The following TNNT3 variants were observed in gnomAD, a reference collection of about 807,000 sequenced individuals.
TNNT3 encodes troponin T, fast skeletal muscle.
In TNNT3, 36 loss-of-function variants were observed where a neutral mutation model predicts 54.2. That is an observed-to-expected ratio of 0.66 (90% CI 0.51 to 0.88). TNNT3 has a LOEUF of 0.88. Among genes scored for constraint, TNNT3 ranks in the 40% least tolerant of loss-of-function variants. The probability of loss-of-function intolerance (pLI) is 0.00; values close to 1 mark genes in which losing one functional copy is unlikely to be tolerated. For missense variants in TNNT3, 291 were observed against 331.6 expected (o/e 0.88, Z 0.95); for synonymous variants, 120 against 109.7 (o/e 1.09, Z -0.59).
chr11:1,936,478 G>A (rs577138538), intron 14 of TNNT3, among the ~76,000 whole-genome samples: 3 of 152,298 alleles, frequency 2.0e-5, no homozygotes, highest in East Asian at 1.9e-4. Context: ...CAGGAGCTCC[G>A]CCTCAAGCCA....
intron 8 of TNNT3, among the ~76,000 whole-genome samples, chr11:1,932,094 G>A: frequency 6.6e-6 from 1 of 152,216 alleles, no homozygotes; most frequent in South Asian, 2.1e-4. Context: ...TGCCCAGGGA[G>A]GCCACCGCCA....
At chr11:1,930,738 C>T (rs943094639) in intron 8 of TNNT3, among the ~76,000 whole-genome samples, 12 of 152,232 alleles carry the variant, frequency 7.9e-5, no homozygotes, top group East Asian at 5.8e-4. Context: ...AGGGTACAGC[C>T]GGCGTATTCC....
At chr11:1,922,989 G>A (rs1850475433) in intron 2 of TNNT3, 59 bp from the exon 3 acceptor site, 8 of 1,613,578 alleles carry the variant, frequency 5.0e-6, no homozygotes, top group Non-Finnish European at 6.8e-6. Flanking sequence ...ACAAGTCCAA[G>A]CAAAGCCCAG....
chr11:1,935,915 A>G (rs763887144), intron 14 of TNNT3, among the ~76,000 whole-genome samples: 136 of 150,388 alleles, frequency 9.0e-4, no homozygotes, highest in Non-Finnish European at 1.6e-3. Context: ...GGGCGATTAC[A>G]CTCCCTCCCA....
chr11:1,938,610 T>C lies in TNNT3; in HGVS notation c.*118T>C, dbSNP rs1345082311. 2.5e-5 allele frequency: 28 copies of C among 1,133,554 alleles called. No homozygotes were observed. Among genetic ancestry groups the C allele is most frequent in the Non-Finnish European group, 3.4e-5 (26 of 764,342 alleles). The allele number at this position is 1,133,554 out of a possible 1,614,324, so 70.2% of individuals were successfully genotyped here. On this transcript the variant is annotated 3_prime_UTR_variant, in exon 16 of 16. Transcript: ENST00000278317. ...CCTGTCAGGGGCTCCCTGACAGTCC[T>C]GGGGGTGGAGAGGCCATCCCGGGGC...
rs779658951 is a variant in TNNT3 at position 1,925,395 on chromosome 11, G to GGCCC, written c.67+280_67+283dup. ...GCCACGAGGTACCAGCCAGCCAAGG[G>GGCCC]GCCCCCACATGTGGCCCTAATGTAA... On this transcript the variant is annotated intron_variant, in intron 5 of 15. Transcript: ENST00000278317. 3 of 1,231,888 alleles carry GGCCC rather than the reference G, an allele frequency of 2.4e-6. No individual in the cohort carries two copies. In the African/African-American group the frequency reaches 4.5e-5, roughly 19 times the overall value. The allele number at this position is 1,231,888 out of a possible 1,614,324, so 76.3% of individuals were successfully genotyped here.
chr11:1,933,735 G>A lies in TNNT3; in HGVS notation c.186G>A (p.Lys62=), dbSNP rs1202302360. 1 of 1,613,038 alleles carries A rather than the reference G, an allele frequency of 6.2e-7. No individual in the cohort carries two copies. The highest frequency in any genetic ancestry group is 2.2e-5 in the East Asian group (1 of 44,888). ...EKVDFDDIQK[K]RQNKDLMELQ... is the part of the protein sequence containing the mutation. ...CCTGCCCACAGGACATCCAGAAGAA[G>A]CGTCAGAACAAAGACCTAATGGAGC... The change falls in exon 10 of 16, where the codon AAG becomes AAA. Residue 62 remains lysine, a synonymous_variant. Coordinates refer to ENST00000278317, the MANE Select transcript of TNNT3 (RefSeq NM_006757.4).
chr11:1,927,993 C>T (rs1230392780), intron 6 of TNNT3: 1 of 152,344 alleles, frequency 6.6e-6, no homozygotes, highest in African/African-American at 2.4e-5. Context: ...ACCAAGAGCG[C>T]TGGCGGGCTC....
intron 9 of TNNT3, 95 bp downstream of exon 9, chr11:1,932,609 C>T (rs1175092527): frequency 7.6e-7 from 1 of 1,311,300 alleles, no homozygotes; most frequent in Non-Finnish European, 1.1e-6. Flanking sequence ...TCCCAAGTAG[C>T]CAGAGCCGGG....
At chr11:1,920,345 C>T (rs543859902) in intron 1 of TNNT3, among the ~76,000 whole-genome samples, 32 of 152,206 alleles carry the variant, frequency 2.1e-4, no homozygotes, top group Middle Eastern at 3.4e-3. Flanking sequence ...TGGGGGCCAG[C>T]GTCTGGAGGT....
At position 1,933,965 on chromosome 11, in the gene TNNT3, G is replaced by A. The variant is rs750736486; in HGVS notation, c.323G>A (p.Arg108Lys). 5.0e-6 allele frequency: 8 copies of A among 1,612,616 alleles called. No individual in the cohort carries two copies. In the East Asian group the frequency reaches 6.7e-5, roughly 13 times the overall value. ...CGTGCAGAGAGAGCGGAGCAGCAGA[G>A]GATTCGTGCAGAGAAGGAGAGGGAG... ...KRRAERAEQQ[R>K]IRAEKERERQ... Residue 108 changes from arginine to lysine, a missense_variant, in exon 11 of 16, where the codon AGG becomes AAG. Transcript: ENST00000278317.
At chr11:1,934,509 GA>G (rs1389192143) in intron 12 of TNNT3, 36 bp from the exon 13 acceptor site, 1 of 1,607,744 alleles carries the variant, frequency 6.2e-7, no homozygotes, top group South Asian at 1.1e-5. Flanking sequence ...GTGCCCTCCT[GA>G]GACCAGGCCC....
At position 1,934,435 on chromosome 11, in the gene TNNT3, AC is replaced by A; in HGVS notation, c.472del (p.Leu158TrpfsTer17). The A allele has an allele frequency of 6.2e-7, 1 of 1,613,580 alleles. No individual in the cohort carries two copies. Among genetic ancestry groups the A allele is most frequent in the Non-Finnish European group, 8.5e-7 (1 of 1,179,978 alleles). The stretch of plus-strand genomic sequence containing the variant: ...TCCATGGGAGCCAACTACAGCAGCT[AC>A]CTGGCCAAGGTGTGTGCCGCTGCTG... ...LSSMGANYSSYLAKADQKRGK... is the reference protein window; with the variant it reads ...LSSMGANYSSXLAKADQKRGK... On this transcript the variant is annotated frameshift_variant, in exon 12 of 16. Coordinates refer to ENST00000278317, the MANE Select transcript of TNNT3 (RefSeq NM_006757.4). LOFTEE classifies it high-confidence loss of function.
At chr11:1,932,582 C>A (rs1325034189) in intron 9 of TNNT3, 68 bp downstream of exon 9, 10 of 1,519,098 alleles carry the variant, frequency 6.6e-6, no homozygotes, top group Non-Finnish European at 7.3e-6. Context: ...GGCTCTAGGC[C>A]TCAGAAGGTC....
rs1851500195 is a variant in TNNT3 at position 1,926,084 on chromosome 11, G to A, written c.68-611G>A. Among the ~76,000 whole-genome samples the A allele has an allele frequency of 2.0e-5, 3 of 152,114 alleles. 1 individual carries two copies. Among genetic ancestry groups the A allele is most frequent in the South Asian group, 4.1e-4 (2 of 4,828 alleles). The stretch of plus-strand genomic sequence containing the variant: ...ACCCGGCCAGGCTACAACCTCGCAC[G>A]TGGGCCTTGGTGCCCCGGCCAGAGG... On this transcript the variant is annotated intron_variant, in intron 5 of 15. Coordinates refer to ENST00000278317, the MANE Select transcript of TNNT3 (RefSeq NM_006757.4).
At chr11:1,930,691 G>A (rs979905717) in intron 8 of TNNT3, among the ~76,000 whole-genome samples, 1 of 152,206 alleles carries the variant, frequency 6.6e-6, no homozygotes, top group Non-Finnish European at 1.5e-5. Context: ...CCCACTTGGG[G>A]AGCATTGCAG....
chr11:1,925,987 A>T (rs1851471350), intron 5 of TNNT3, among the ~76,000 whole-genome samples: 1 of 152,076 alleles, frequency 6.6e-6, no homozygotes. Flanking sequence ...GGTCCTGGGG[A>T]CGCCTTCCAT....
intron 8 of TNNT3, among the ~76,000 whole-genome samples, chr11:1,931,918 G>A (rs1488053804): frequency 6.6e-6 from 1 of 152,126 alleles, no homozygotes; most frequent in Admixed American, 6.5e-5. Flanking sequence ...TGCTGCATCT[G>A]GAATGTATTG....
intron 6 of TNNT3, 160 bp from the exon 7 acceptor site, chr11:1,928,960 T>C (rs773104186): frequency 2.4e-6 from 2 of 831,692 alleles, no homozygotes; most frequent in South Asian, 2.7e-5. Context: ...GGCCCCAGCT[T>C]GGGGCACTTG....
Sources: gnomAD v4.1 joint callset for allele counts (sites outside exome capture counted in the v4.1 genomes callset) on GRCh38, gnomAD v4.1.1 for gene constraint, MANE v1.5 for transcripts, NCBI Gene and HGNC (gene_info 2026-07-23, HGNC 2026-07-21) for gene names.